Variants in ACACB observed in about 807,000 individuals in gnomAD.
ACACB encodes the protein acetyl-CoA carboxylase 2.
A neutral mutation model predicts 278.8 loss-of-function variants in ACACB; 209 were observed. The ratio of observed to expected loss-of-function variants is 0.75; its 90% CI spans 0.67 to 0.84. ACACB has a LOEUF of 0.84. Among genes scored for constraint, ACACB ranks in the 40% least tolerant of loss-of-function variants. The probability of loss-of-function intolerance (pLI) is 0.00; values close to 1 mark genes in which losing one functional copy is unlikely to be tolerated. For missense variants in ACACB, 2,850 were observed against 3,269.0 expected, an observed-to-expected ratio of 0.87 and a Z score of 3.13; for synonymous variants, 1,174 against 1,285.6, an observed-to-expected ratio of 0.91 and a Z score of 1.86.
chr12:109,259,230 A>G (rs2047314807), intron 47 of ACACB, 122 bp downstream of exon 47: 2 of 1,247,992 alleles, frequency 1.6e-6, no homozygotes, highest in Non-Finnish European at 2.2e-6. Flanking sequence ...GTGTCTCCCA[A>G]CAACCCTGAG....
At chr12:109,235,232 T>C in intron 31 of ACACB, 81 bp from the exon 32 acceptor site, 3 of 1,165,668 alleles carry the variant, frequency 2.6e-6, no homozygotes, top group Non-Finnish European at 3.9e-6. Context: ...TACAGGTTCA[T>C]CCGTGTGGTA....
Position 109,234,055 on chromosome 12 carries a change from G to A in ACACB, c.4347+10G>A. 6.3e-7 allele frequency: 1 copy of A among 1,592,320 alleles called. No homozygotes were observed. Among genetic ancestry groups the A allele is most frequent in the Non-Finnish European group, 8.6e-7 (1 of 1,165,908 alleles). On this transcript the variant is annotated intron_variant, in intron 31 of 52. Transcript: ENST00000338432. ...ATTCGTACAGTCCAAGGTACTCTGG[G>A]CGTGCCTCTGGTTTTGGTGGGGGTT... is the stretch of plus-strand genomic sequence containing the variant.
chr12:109,216,595 G>A (rs1256825394), intron 22 of ACACB, 23 bp from the exon 23 acceptor site: 3 of 1,609,534 alleles, frequency 1.9e-6, no homozygotes, highest in Admixed American at 1.7e-5. Flanking sequence ...TGAGCATTAA[G>A]AGCAGCCTTC....
At position 109,191,828 on chromosome 12, in the gene ACACB, GA is replaced by G; in HGVS notation, c.2296-17del. On this transcript the variant is annotated intron_variant, in intron 14 of 52. Coordinates refer to ENST00000338432, the MANE Select transcript of ACACB (RefSeq NM_001093.4). ...GAGACCTCGGCTTCCTGAGGATACT[GA>G]AGTGCATTTTCTCCTAGGCGGAGAA... 6.2e-7 allele frequency: 1 copy of G among 1,614,170 alleles called. No individual in the cohort carries two copies. Among genetic ancestry groups the G allele is most frequent in the South Asian group, 1.1e-5 (1 of 91,074 alleles).
rs1267226410 is a variant in ACACB at position 109,252,039 on chromosome 12, T to TCC, written c.5791-6_5791-5dup. 1 of 1,606,848 alleles carries TCC rather than the reference T, an allele frequency of 6.2e-7. No individual in the cohort carries two copies. The highest frequency in any genetic ancestry group is 1.3e-5 in the African/African-American group (1 of 74,686). On this transcript the variant is annotated splice_region_variant and splice_polypyrimidine_tract_variant and intron_variant, in intron 41 of 52. Coordinates refer to ENST00000338432, the MANE Select transcript of ACACB (RefSeq NM_001093.4). The stretch of plus-strand genomic sequence containing the variant: ...TCCAGAATTCAGAGGGGGTCCTCTC[T>TCC]CCACAGGTGACCTGCCGAGCCATTG...
intron 40 of ACACB, 90 bp downstream of exon 40, chr12:109,247,793 T>C (rs1201394241): frequency 2.8e-6 from 3 of 1,074,132 alleles, no homozygotes; most frequent in East Asian, 4.8e-5. Context: ...TATTTTCCAG[T>C]GGGGTGGTGG....
intron 1 of ACACB, among the ~76,000 whole-genome samples, chr12:109,127,215 G>A (rs1004210574): frequency 2.0e-5 from 3 of 152,088 alleles, no homozygotes; most frequent in Admixed American, 6.6e-5. Flanking sequence ...GCCCAGGGTC[G>A]AATGCCATGT....
In ACACB at chr12:109,176,230, G is replaced by C; in HGVS notation, c.1404G>C (p.Glu468Asp). Reference protein sequence around the residue: ...GGGGKGIRKAESAEDFPILFR... With the variant: ...GGGGKGIRKADSAEDFPILFR... ...GAGGGAAGGGAATCCGGAAGGCTGAGAGTGCGGAGGACTTCCCGATCCTTT... is the reference window on the plus strand; with the variant it reads ...GAGGGAAGGGAATCCGGAAGGCTGACAGTGCGGAGGACTTCCCGATCCTTT... The change falls in exon 9 of 53, where the codon GAG becomes GAC. Residue 468 changes from glutamate (E) to aspartate (D), a missense_variant. Around this residue, in one of 3 missense-constraint regions of ACACB, gnomAD observed 2,265 missense variants for 2,561.3 expected, o/e 0.88. Coordinates refer to ENST00000338432, the MANE Select transcript of ACACB (RefSeq NM_001093.4). The C allele has an allele frequency of 6.2e-7, 1 of 1,614,234 alleles. No individual in the cohort carries two copies. Among genetic ancestry groups the C allele is most frequent in the East Asian group, 2.2e-5 (1 of 44,886 alleles).
At chr12:109,154,180 C>A (rs1277106202) in intron 2 of ACACB, among the ~76,000 whole-genome samples, 1 of 152,210 alleles carries the variant, frequency 6.6e-6, no homozygotes, top group Non-Finnish European at 1.5e-5. Flanking sequence ...CTGCTGGGGT[C>A]CTCCCTGTCC....
intron 37 of ACACB, among the ~76,000 whole-genome samples, chr12:109,244,870 A>G (rs1194149011): frequency 1.3e-5 from 2 of 152,222 alleles, no homozygotes; most frequent in Admixed American, 6.5e-5. Context: ...TAAATTTATC[A>G]ATATGGATAA....
chr12:109,209,505 C>A, intron 21 of ACACB, 152 bp downstream of exon 21: 1 of 761,690 alleles, frequency 1.3e-6, no homozygotes, highest in Non-Finnish European at 2.1e-6. Flanking sequence ...CCTTTTGAGC[C>A]TTGTCTGCAG....
chr12:109,217,807 A>C (rs2046048652), intron 24 of ACACB, among the ~76,000 whole-genome samples: 1 of 152,190 alleles, frequency 6.6e-6, no homozygotes. Context: ...CTCAAAAAAC[A>C]ACAAAAAAAA....
chr12:109,234,080 T>C, intron 31 of ACACB, 35 bp downstream of exon 31: 1 of 1,535,670 alleles, frequency 6.5e-7, no homozygotes. Context: ...TGGTGGGGGT[T>C]CTTGGAGAAG....
intron 38 of ACACB, 112 bp from the exon 39 acceptor site, chr12:109,246,067 G>A (rs897684553): frequency 3.9e-5 from 50 of 1,280,418 alleles, no homozygotes; most frequent in Admixed American, 8.2e-5. Flanking sequence ...TCTGGCCTGC[G>A]CAACAGAGCA....
chr12:109,240,311 T>C (rs1459898625), intron 35 of ACACB, among the ~76,000 whole-genome samples: 1 of 151,916 alleles, frequency 6.6e-6, no homozygotes, highest in East Asian at 1.9e-4. Context: ...GACCGTGAGG[T>C]CTGTGGCTGA....
chr12:109,153,250 A>G (rs909758234), intron 2 of ACACB, among the ~76,000 whole-genome samples: 4 of 152,076 alleles, frequency 2.6e-5, no homozygotes, highest in Admixed American at 6.6e-5. Context: ...CGGCCCCCCA[A>G]AGTGCTGGGA....
chr12:109,258,091 G>A (rs2047276911), intron 45 of ACACB, among the ~76,000 whole-genome samples, 177 bp from the exon 46 acceptor site: 1 of 152,178 alleles, frequency 6.6e-6, no homozygotes, highest in Non-Finnish European at 1.5e-5. Context: ...GCACCAATAG[G>A]TCTGCTACCT....
intron 35 of ACACB, 41 bp from the exon 36 acceptor site, chr12:109,241,037 T>A: frequency 6.3e-7 from 1 of 1,599,120 alleles, no homozygotes; most frequent in Admixed American, 1.7e-5. Flanking sequence ...GTCCTTGGGA[T>A]GTCTTGGCCC....
chr12:109,113,815 G>A (rs1210954148), upstream of ACACB, among the ~76,000 whole-genome samples: 1 of 152,122 alleles, frequency 6.6e-6, no homozygotes, highest in Non-Finnish European at 1.5e-5. Flanking sequence ...AGGTGCTCTG[G>A]GTTACTTTGA....
Sources: allele counts gnomAD v4.1 joint callset (sites outside exome capture counted in the v4.1 genomes callset), GRCh38; gene constraint gnomAD v4.1.1; regional missense constraint gnomAD v4.1.1; transcripts MANE v1.5; gene names NCBI Gene and HGNC (gene_info 2026-07-23, HGNC 2026-07-21).